The following SRGAP3 variants were observed in gnomAD, a reference collection of about 807,000 sequenced individuals.
The protein encoded by SRGAP3 is SLIT-ROBO Rho GTPase activating protein 3.
A neutral mutation model predicts 121.1 loss-of-function variants in SRGAP3; 39 were observed. That is an observed-to-expected ratio of 0.32 (90% CI 0.25 to 0.42). The LOEUF is 0.42. Ranked by LOEUF, SRGAP3 falls within the 10% of genes least tolerant of loss-of-function variation. The pLI, the probability that SRGAP3 is intolerant of heterozygous loss-of-function variation, is 1.00. For synonymous variants in SRGAP3, 601 were observed against 570.0 expected (o/e 1.05, Z -0.77); for missense variants, 1,213 against 1,470.6 (o/e 0.82, Z 2.86).
intron 1 of SRGAP3, among the ~76,000 whole-genome samples, chr3:9,136,765 C>G (rs988980130): frequency 2.0e-5 from 3 of 152,174 alleles, no homozygotes; most frequent in Non-Finnish European, 4.4e-5. Context: ...CAGAGTCCAC[C>G]GGAGACTCCG....
At chr3:9,179,442 A>T (rs1037876739) in intron 1 of SRGAP3, among the ~76,000 whole-genome samples, 1 of 152,214 alleles carries the variant, frequency 6.6e-6, no homozygotes. Flanking sequence ...CAAAAGGTTT[A>T]ACTTAGTTCT....
chr3:9,027,260 GGCCTGGCAGGCCCA>G (rs987115519), intron 12 of SRGAP3, among the ~76,000 whole-genome samples: 1 of 152,208 alleles, frequency 6.6e-6, no homozygotes, highest in Non-Finnish European at 1.5e-5. Flanking sequence ...GGGCTCAGGA[GGCCTGGCAGGCCCA>G]CTTGGGCAGT....
At chr3:9,208,373 CA>C (rs1337094664) in intron 1 of SRGAP3, among the ~76,000 whole-genome samples, 1 of 152,150 alleles carries the variant, frequency 6.6e-6, no homozygotes, top group Non-Finnish European at 1.5e-5. Context: ...CCCACTGCCC[CA>C]GTTGTCTCTC....
intron 16 of SRGAP3, 30 bp from the exon 17 acceptor site, chr3:9,013,565 C>T: frequency 6.2e-7 from 1 of 1,611,324 alleles, no homozygotes; most frequent in Non-Finnish European, 8.5e-7. Context: ...CACAAGTCAT[C>T]TGGGAAAGGC....
chr3:9,027,732 G>A (rs532023565), intron 12 of SRGAP3, among the ~76,000 whole-genome samples: 2 of 152,304 alleles, frequency 1.3e-5, no homozygotes, highest in Non-Finnish European at 1.5e-5. Context: ...TGATTATGGC[G>A]GAGGGGAAAC....
At chr3:9,061,647 T>C (rs1191418528) in intron 5 of SRGAP3, among the ~76,000 whole-genome samples, 2 of 152,242 alleles carry the variant, frequency 1.3e-5, no homozygotes, top group African/African-American at 4.8e-5. Context: ...AGGGACTTGA[T>C]CTGCTTTGTT....
At chr3:9,225,828 A>C (rs1574902447) in intron 1 of SRGAP3, among the ~76,000 whole-genome samples, 1 of 152,230 alleles carries the variant, frequency 6.6e-6, no homozygotes. Context: ...GGAGAGCTCA[A>C]GTCCTGCCAC....
chr3:9,302,776 C>T (rs1184047396), intron 3 of SRGAP3, among the ~76,000 whole-genome samples: 1 of 152,110 alleles, frequency 6.6e-6, no homozygotes, highest in African/African-American at 2.4e-5. Flanking sequence ...GCGAACCGCT[C>T]TGAGAATGTC....
chr3:9,145,249 C>A (rs1262338209), intron 1 of SRGAP3, among the ~76,000 whole-genome samples: 1 of 152,188 alleles, frequency 6.6e-6, no homozygotes, highest in Non-Finnish European at 1.5e-5. Flanking sequence ...GCGCATGCCA[C>A]CATGCCCAGC....
At position 9,211,789 on chromosome 3, in the gene SRGAP3, C is replaced by CA. The variant is rs1952455560; in HGVS notation, c.67+37095dup. On this transcript the variant is annotated intron_variant, in intron 1 of 21. Transcript: ENST00000383836. The stretch of plus-strand genomic sequence containing the variant: ...CTCCTGGGCTTAAGCCTTCCTCTCA[C>CA]ATCAGCATCCTGAGTAGCTGGGACT... Among the ~76,000 whole-genome samples, 3 of 151,740 alleles carry CA rather than the reference C, an allele frequency of 2.0e-5. No homozygotes were observed. The South Asian group carries it at 6.3e-4, about 32-fold the overall frequency.
At chr3:9,157,053 T>C (rs1950443181) in intron 1 of SRGAP3, among the ~76,000 whole-genome samples, 1 of 152,202 alleles carries the variant, frequency 6.6e-6, no homozygotes, top group Non-Finnish European at 1.5e-5. Context: ...GGTATGTTTC[T>C]TGAGCATAAT....
At chr3:9,335,575 T>C (rs1209228823) in intron 1 of SRGAP3, among the ~76,000 whole-genome samples, 1 of 152,168 alleles carries the variant, frequency 6.6e-6, no homozygotes, top group Non-Finnish European at 1.5e-5. Context: ...TCCTGGTCCT[T>C]TTGGACAGTA....
At chr3:9,260,891 G>A (rs528902765) in intron 3 of SRGAP3, among the ~76,000 whole-genome samples, 319 of 152,326 alleles carry the variant, frequency 2.1e-3, no homozygotes, top group African/African-American at 7.5e-3. Flanking sequence ...CCTGACCCCC[G>A]TGCCTCCTGA....
At chr3:8,995,542 G>C (rs536557375) in intron 18 of SRGAP3, among the ~76,000 whole-genome samples, 3 of 152,238 alleles carry the variant, frequency 2.0e-5, no homozygotes, top group Middle Eastern at 3.4e-3. Flanking sequence ...TGAGGTATTC[G>C]GTTGACAGCA....
chr3:9,355,466 C>T (rs947126006), intron 1 of SRGAP3, among the ~76,000 whole-genome samples: 1 of 152,226 alleles, frequency 6.6e-6, no homozygotes, highest in Non-Finnish European at 1.5e-5. Flanking sequence ...CTGCTCACTC[C>T]TCTGCAGCCT....
In SRGAP3 at chr3:9,190,098, T is replaced by C. The variant is rs141622960; in HGVS notation, c.67+58787A>G. Among the ~76,000 whole-genome samples the C allele has an allele frequency of 2.0e-4, 31 of 152,268 alleles. No homozygotes were observed. The East Asian group carries it at 5.4e-3, about 26-fold the overall frequency. The stretch of plus-strand genomic sequence containing the variant: ...CATCCAATATCCCAGGACCAGTAAG[T>C]GACAAAGTAGGGATTGACACACGGC... On this transcript the variant is annotated intron_variant, in intron 1 of 21. Coordinates refer to ENST00000383836, the MANE Select transcript of SRGAP3 (RefSeq NM_014850.4).
At chr3:9,287,511 G>A (rs1323839315) in intron 3 of SRGAP3, among the ~76,000 whole-genome samples, 2 of 152,058 alleles carry the variant, frequency 1.3e-5, no homozygotes, top group Admixed American at 6.6e-5. Flanking sequence ...AGATATTTTA[G>A]TGGTTTCTCC....
chr3:9,293,223 A>G (rs1048735988), intron 3 of SRGAP3: 4 of 152,190 alleles, frequency 2.6e-5, no homozygotes, highest in South Asian at 2.1e-4. Context: ...CAACAAAACA[A>G]TGGCCTTTCC....
At position 9,118,712 on chromosome 3, in the gene SRGAP3, G is replaced by A. The variant is rs567288847; in HGVS notation, c.260+6013C>T. Among the ~76,000 whole-genome samples the A allele has an allele frequency of 6.0e-5, 9 of 150,170 alleles. No individual in the cohort carries two copies. In the South Asian group the frequency reaches 1.9e-3, roughly 31 times the overall value. On this transcript the variant is annotated intron_variant, in intron 2 of 21. Transcript: ENST00000383836. ...CCAGGCCCCCCCCCCAAGAAGTTCT[G>A]ATCCAGCAGGTCTCAGGAAATACCC... is the stretch of plus-strand genomic sequence containing the variant.
Sources: allele counts gnomAD v4.1 joint callset (sites outside exome capture counted in the v4.1 genomes callset), GRCh38; gene constraint gnomAD v4.1.1; transcripts MANE v1.5; gene names NCBI Gene and HGNC (gene_info 2026-07-23, HGNC 2026-07-21).